The following ELF1 variants were observed in gnomAD, a reference collection of about 807,000 sequenced individuals.
The protein encoded by ELF1 is ETS-related transcription factor Elf-1.
ELF1 carries 24 observed loss-of-function variants against 59.9 expected under a neutral mutation model. That is an observed-to-expected ratio of 0.40 (90% CI 0.29 to 0.56). The LOEUF (loss-of-function observed/expected upper bound fraction) is 0.56, where lower values mean the gene tolerates loss of function less well. Among genes scored for constraint, ELF1 ranks in the 20% least tolerant of loss-of-function variants. ELF1 has a pLI of 0.44. For missense variants in ELF1, 627 were observed against 742.2 expected (o/e 0.84, Z 1.80); for synonymous variants, 248 against 266.2 (o/e 0.93, Z 0.67).
chr13:40,946,578 G>T (rs1870525274), intron 5 of ELF1, among the ~76,000 whole-genome samples: 1 of 152,136 alleles, frequency 6.6e-6, no homozygotes, highest in African/African-American at 2.4e-5. Context: ...TACATCAAGT[G>T]TGCCTGTGTC....
chr13:41,060,902 T>TGAA, exon 1 of ELF1: 1 of 319,472 alleles, frequency 3.1e-6, no homozygotes, highest in Non-Finnish European at 5.9e-6. Context: ...TCTGCGCTAC[T>TGAA]GAAGCTGCTG....
At chr13:41,044,777 C>A (rs559979951) in intron 1 of ELF1, among the ~76,000 whole-genome samples, 16 of 151,962 alleles carry the variant, frequency 1.1e-4, no homozygotes, top group African/African-American at 3.1e-4. Flanking sequence ...TGTCTCTGCC[C>A]GGCTTTGGTA....
chr13:41,060,933 G>A (rs1877567246), exon 1 of ELF1: 9 of 372,726 alleles, frequency 2.4e-5, no homozygotes, highest in South Asian at 6.0e-5. Flanking sequence ...CGCCGCCGCC[G>A]CCGCCGCCGC....
At chr13:41,044,654 A>G (rs573891770) in intron 1 of ELF1, among the ~76,000 whole-genome samples, 3 of 152,274 alleles carry the variant, frequency 2.0e-5, no homozygotes, top group South Asian at 2.1e-4. Flanking sequence ...CCACTTGATC[A>G]TGGTGGATAA....
chr13:41,018,779 A>G (rs1257189501), intron 1 of ELF1, among the ~76,000 whole-genome samples: 1 of 152,158 alleles, frequency 6.6e-6, no homozygotes, highest in African/African-American at 2.4e-5. Context: ...CCAAAACTTC[A>G]CCCTTAGCTA....
chr13:40,954,639 G>A (rs1389872905), intron 3 of ELF1, among the ~76,000 whole-genome samples: 4 of 152,190 alleles, frequency 2.6e-5, no homozygotes, highest in East Asian at 1.9e-4. Flanking sequence ...TGGTGGAGGC[G>A]GGGTTTTGCT....
At chr13:40,938,633 T>C (rs986314814) in intron 8 of ELF1, among the ~76,000 whole-genome samples, 6 of 152,204 alleles carry the variant, frequency 3.9e-5, no homozygotes, top group African/African-American at 1.4e-4. Flanking sequence ...CTCATTGAGC[T>C]ATGAGGATTC....
intron 5 of ELF1, among the ~76,000 whole-genome samples, chr13:40,945,871 T>A (rs143112981): frequency 6.6e-6 from 1 of 152,330 alleles, no homozygotes; most frequent in Non-Finnish European, 1.5e-5. Context: ...TGAGACACAG[T>A]CTCACTCTGT....
chr13:41,060,627 T>C (rs997789482), intron 1 of ELF1, among the ~76,000 whole-genome samples: 8 of 152,024 alleles, frequency 5.3e-5, no homozygotes. Context: ...CAGTAATGCT[T>C]ATTTTCTACA....
chr13:40,977,101 A>G (rs1422716729), intron 2 of ELF1, among the ~76,000 whole-genome samples: 3 of 152,136 alleles, frequency 2.0e-5, no homozygotes, highest in African/African-American at 7.2e-5. Flanking sequence ...CATATAATAT[A>G]TCAAAATTAT....
rs9566636 is a variant in ELF1, at chr13:40,961,065, A to G, written c.73-2049T>C. On this transcript the variant is annotated intron_variant, in intron 2 of 8. Transcript: ENST00000239882. The stretch of plus-strand genomic sequence containing the variant: ...CTTAAGTAAGTCTGCTATATTCAAA[A>G]TATTATTTATGGTTTCATTGCAACT... Among the ~76,000 whole-genome samples, 397 of 152,318 alleles carry G rather than the reference A, an allele frequency of 2.6e-3. 6 individuals are homozygous for G. The East Asian group carries it at 0.05, about 19-fold the overall frequency.
At chr13:40,979,499 T>G (rs1230114381) in intron 2 of ELF1, among the ~76,000 whole-genome samples, 2 of 152,210 alleles carry the variant, frequency 1.3e-5, no homozygotes, top group Non-Finnish European at 1.5e-5. Flanking sequence ...CCGCTACTAC[T>G]AGGTAGATCT....
At chr13:41,001,001 G>C (rs915067744) in intron 1 of ELF1, among the ~76,000 whole-genome samples, 1 of 148,698 alleles carries the variant, frequency 6.7e-6, no homozygotes, top group African/African-American at 2.5e-5. Flanking sequence ...TTCTGAGACA[G>C]AGTCTCACTC....
intron 2 of ELF1, among the ~76,000 whole-genome samples, chr13:40,965,060 A>G (rs1310036961): frequency 1.3e-5 from 2 of 152,204 alleles, no homozygotes; most frequent in Non-Finnish European, 2.9e-5. Flanking sequence ...TTTGGTTTTA[A>G]GTCTGTCATT....
intron 1 of ELF1, among the ~76,000 whole-genome samples, chr13:41,042,181 C>A (rs1054081561): frequency 6.6e-6 from 1 of 152,104 alleles, no homozygotes; most frequent in African/African-American, 2.4e-5. Context: ...TGCCACCACA[C>A]CCGGCTAATT....
At chr13:41,051,936 T>C (rs925875442) in intron 1 of ELF1, among the ~76,000 whole-genome samples, 5 of 140,880 alleles carry the variant, frequency 3.5e-5, no homozygotes, top group African/African-American at 8.1e-5. Flanking sequence ...CTTTTTCTCT[T>C]TTTTTTTTTT....
intron 2 of ELF1, among the ~76,000 whole-genome samples, chr13:40,965,857 T>G (rs777730224): frequency 2.6e-5 from 4 of 152,210 alleles, no homozygotes; most frequent in Admixed American, 2.0e-4. Flanking sequence ...GGGAAACATT[T>G]AAGAATATCA....
chr13:41,009,658 C>A (rs1228065986), intron 1 of ELF1, among the ~76,000 whole-genome samples: 1 of 151,886 alleles, frequency 6.6e-6, no homozygotes, highest in African/African-American at 2.4e-5. Flanking sequence ...AATATACTTC[C>A]CAATTTTAAA....
intron 1 of ELF1, among the ~76,000 whole-genome samples, chr13:41,037,368 C>T (rs1172779664): frequency 3.9e-5 from 6 of 152,096 alleles, no homozygotes; most frequent in Non-Finnish European, 4.4e-5. Flanking sequence ...TACATTTGGT[C>T]AAAAATTACA....
Sources: allele counts gnomAD v4.1 joint callset (sites outside exome capture counted in the v4.1 genomes callset), GRCh38; gene constraint gnomAD v4.1.1; transcripts MANE v1.5; gene names NCBI Gene and HGNC (gene_info 2026-07-23, HGNC 2026-07-21).